Variants in PTPN1 observed in about 807,000 individuals in gnomAD.
PTPN1 encodes the protein protein tyrosine phosphatase non-receptor type 1, also known as tyrosine-protein phosphatase non-receptor type 1.
PTPN1 carries 12 observed loss-of-function variants against 59.9 expected under a neutral mutation model. That is an observed-to-expected ratio of 0.20 (90% CI 0.13 to 0.32). PTPN1 has a LOEUF of 0.32. Among genes scored for constraint, PTPN1 ranks in the 10% least tolerant of loss-of-function variants. The pLI is 1.00. For synonymous variants in PTPN1, 178 were observed against 203.6 expected (o/e 0.87, Z 1.07); for missense variants, 356 against 549.2 (o/e 0.65, Z 3.52).
At chr20:50,540,892 A>T (rs1254892511) in intron 1 of PTPN1, among the ~76,000 whole-genome samples, 2 of 152,132 alleles carry the variant, frequency 1.3e-5, no homozygotes, top group Non-Finnish European at 2.9e-5. Context: ...AATGCTGTGG[A>T]TTATACTAGG....
intron 1 of PTPN1, among the ~76,000 whole-genome samples, chr20:50,543,464 A>T (rs1214501427): frequency 6.6e-6 from 1 of 152,202 alleles, no homozygotes; most frequent in Non-Finnish European, 1.5e-5. Context: ...AAAAATAGTG[A>T]TGTGTTCATT....
chr20:50,526,663 G>A (rs758623116), intron 1 of PTPN1, among the ~76,000 whole-genome samples: 42 of 152,062 alleles, frequency 2.8e-4, no homozygotes, highest in African/African-American at 9.2e-4. Context: ...AGATTCCCTC[G>A]CTCAGTTGCT....
Position 50,510,533 on chromosome 20 carries a change from G to A in PTPN1, c.6G>A (p.Glu2=), listed in dbSNP as rs752111260. The change falls in exon 1 of 10, where the codon GAG becomes GAA. Residue 2 remains glutamate (E), a synonymous_variant. Transcript: ENST00000371621. M[E]MEKEFEQIDK... is the part of the protein sequence containing the mutation. The stretch of plus-strand genomic sequence containing the variant: ...AGCAGCCGCCCTGGCCCGTCATGGA[G>A]ATGGAAAAGGAGTTCGAGCAGATCG... 1.1e-5 allele frequency: 17 copies of A among 1,550,452 alleles called. No homozygotes were observed. Among genetic ancestry groups the A allele is most frequent in the Non-Finnish European group, 1.5e-5 (17 of 1,146,494 alleles).
intron 1 of PTPN1, among the ~76,000 whole-genome samples, chr20:50,532,506 G>A (rs545735625): frequency 1.3e-5 from 2 of 152,294 alleles, no homozygotes; most frequent in Admixed American, 1.3e-4. Flanking sequence ...AGCTCTGATT[G>A]TATTGTCCTG....
At chr20:50,516,210 G>C (rs1208602933) in intron 1 of PTPN1, among the ~76,000 whole-genome samples, 1 of 109,418 alleles carries the variant, frequency 9.1e-6, no homozygotes, top group Admixed American at 1.1e-4. Context: ...AATAACGACT[G>C]TTACCAAGTC....
chr20:50,563,514 A>G (rs1017816008), intron 2 of PTPN1, among the ~76,000 whole-genome samples: 1 of 152,308 alleles, frequency 6.6e-6, no homozygotes, highest in Non-Finnish European at 1.5e-5. Context: ...TCACATAACC[A>G]ACCAATACCA....
At chr20:50,528,723 A>AG (rs1163363413) in intron 1 of PTPN1, among the ~76,000 whole-genome samples, 1 of 150,800 alleles carries the variant, frequency 6.6e-6, no homozygotes, top group African/African-American at 2.4e-5. Flanking sequence ...TAAAAAAAAA[A>AG]AAGACTCCAT....
In PTPN1 at chr20:50,574,511, C is replaced by T. The variant is rs2082826520; in HGVS notation, c.355-6C>T. On this transcript the variant is annotated splice_region_variant and splice_polypyrimidine_tract_variant and intron_variant, in intron 4 of 9. Coordinates refer to ENST00000371621, the MANE Select transcript of PTPN1 (RefSeq NM_002827.4). The stretch of plus-strand genomic sequence containing the variant: ...CACAATAATTCACTATTATTTGTTT[C>T]CCCAGTTAAAATGCGCACAATACTG... 2 of 1,580,078 alleles carry T rather than the reference C, an allele frequency of 1.3e-6. No individual in the cohort carries two copies. Among genetic ancestry groups the T allele is most frequent in the East Asian group, 2.3e-5 (1 of 43,656 alleles).
intron 9 of PTPN1, 40 bp downstream of exon 9, chr20:50,581,500 G>A (rs750332498): frequency 4.5e-6 from 7 of 1,568,204 alleles, no homozygotes; most frequent in South Asian, 1.2e-5. Flanking sequence ...AGATGCTCGT[G>A]TGCAGAGAGC....
intron 1 of PTPN1, among the ~76,000 whole-genome samples, chr20:50,557,228 A>T (rs1395192807): frequency 6.6e-6 from 1 of 152,006 alleles, no homozygotes; most frequent in Non-Finnish European, 1.5e-5. Flanking sequence ...AAATTTATAA[A>T]TTCTTTTTAT....
chr20:50,541,068 G>A (rs564965505), intron 1 of PTPN1, among the ~76,000 whole-genome samples: 1 of 152,242 alleles, frequency 6.6e-6, no homozygotes, highest in Non-Finnish European at 1.5e-5. Flanking sequence ...AGAAAACAGT[G>A]CGACCTGCAG....
At chr20:50,518,375 T>C (rs2082537880) in intron 1 of PTPN1, among the ~76,000 whole-genome samples, 1 of 152,210 alleles carries the variant, frequency 6.6e-6, no homozygotes, top group Non-Finnish European at 1.5e-5. Flanking sequence ...ATAAGCAAAC[T>C]GCATTTAGCA....
At chr20:50,538,403 C>CTAT (rs1336373840) in intron 1 of PTPN1, among the ~76,000 whole-genome samples, 1 of 152,112 alleles carries the variant, frequency 6.6e-6, no homozygotes, top group Non-Finnish European at 1.5e-5. Flanking sequence ...GGCCAAGGGG[C>CTAT]TATACAAGCA....
intron 1 of PTPN1, among the ~76,000 whole-genome samples, chr20:50,531,942 C>T (rs777545155): frequency 1.3e-5 from 2 of 152,168 alleles, no homozygotes; most frequent in Non-Finnish European, 2.9e-5. Context: ...GTGTTGGCTA[C>T]GCGCATGGTA....
At chr20:50,534,516 C>G (rs2082615324) in intron 1 of PTPN1, among the ~76,000 whole-genome samples, 1 of 152,092 alleles carries the variant, frequency 6.6e-6, no homozygotes, top group South Asian at 2.1e-4. Flanking sequence ...ACTGCTTTAT[C>G]TGCTTGTAAG....
At chr20:50,550,354 G>C (rs993555065) in intron 1 of PTPN1, among the ~76,000 whole-genome samples, 1 of 152,214 alleles carries the variant, frequency 6.6e-6, no homozygotes, top group African/African-American at 2.4e-5. Flanking sequence ...TGAAGTTCCA[G>C]TGAGTAAAAG....
intron 1 of PTPN1, among the ~76,000 whole-genome samples, chr20:50,539,069 C>G (rs1346736509): frequency 9.1e-6 from 1 of 109,348 alleles, no homozygotes; most frequent in East Asian, 3.0e-4. Flanking sequence ...GAGTTTCGCT[C>G]TTGTTGCCCA....
chr20:50,526,350 G>A lies in PTPN1; in HGVS notation c.63+15760G>A, dbSNP rs112037991. On this transcript the variant is annotated intron_variant, in intron 1 of 9. Transcript: ENST00000371621. ...CCCGCCTCGGGCTCCCAAAATGCTG[G>A]GATTACAGGTGTGAGCCACCATGCC... Among the ~76,000 whole-genome samples, 597 of 152,122 alleles carry A rather than the reference G, an allele frequency of 3.9e-3. 2 individuals are homozygous for A. Among genetic ancestry groups the A allele is most frequent in the African/African-American group, 0.013 (560 of 41,486 alleles).
At chr20:50,534,966 C>A (rs187207916) in intron 1 of PTPN1, among the ~76,000 whole-genome samples, 25 of 152,168 alleles carry the variant, frequency 1.6e-4, no homozygotes, top group Admixed American at 1.6e-3. Context: ...TGCCTTCAGG[C>A]GGAACTCCTG....
Sources: allele counts gnomAD v4.1 joint callset (sites outside exome capture counted in the v4.1 genomes callset), GRCh38; gene constraint gnomAD v4.1.1; transcripts MANE v1.5; gene names NCBI Gene and HGNC (gene_info 2026-07-23, HGNC 2026-07-21).